The following DAB1 variants were observed in gnomAD, a reference collection of about 807,000 sequenced individuals.
DAB1 encodes the protein DAB adaptor protein 1, also known as disabled homolog 1.
Under a neutral mutation model 64.6 loss-of-function variants are expected in DAB1, and 15 were observed. The observed-to-expected ratio is 0.23, with a 90% CI of 0.16 to 0.36. The LOEUF (loss-of-function observed/expected upper bound fraction) is 0.36, where lower values mean the gene tolerates loss of function less well. Among genes scored for constraint, DAB1 ranks in the 10% least tolerant of loss-of-function variants. The pLI is 1.00. For missense variants in DAB1, 596 were observed against 706.7 expected (o/e 0.84, Z 1.78); for synonymous variants, 235 against 251.9 (o/e 0.93, Z 0.64).
chr1:57,207,408 A>G (rs197608), intron 2 of DAB1, among the ~76,000 whole-genome samples: 3,360 of 149,908 alleles, frequency 0.022, 123 homozygotes, highest in African/African-American at 0.077. Flanking sequence ...TATAAAAATG[A>G]TAGAATAGAT....
chr1:57,641,469 C>T (rs1423703838), intron 7 of DAB1, among the ~76,000 whole-genome samples: 1 of 146,740 alleles, frequency 6.8e-6, no homozygotes, highest in African/African-American at 2.5e-5. Flanking sequence ...CTGCAAGCTC[C>T]GCTGCTGGGG....
At chr1:57,739,995 G>C (rs1647901437) in intron 6 of DAB1, among the ~76,000 whole-genome samples, 1 of 139,512 alleles carries the variant, frequency 7.2e-6, no homozygotes, top group South Asian at 2.3e-4. Flanking sequence ...GGGAGTCCAA[G>C]ACCAGCTTGG....
intron 6 of DAB1, among the ~76,000 whole-genome samples, chr1:57,806,330 A>G (rs1651360914): frequency 6.6e-6 from 1 of 152,198 alleles, no homozygotes; most frequent in South Asian, 2.1e-4. Flanking sequence ...AGAGGTAATC[A>G]AGTTAAAATG....
intron 4 of DAB1, among the ~76,000 whole-genome samples, chr1:58,331,948 C>T (rs1662978899): frequency 6.6e-6 from 1 of 152,144 alleles, no homozygotes; most frequent in Admixed American, 6.6e-5. Context: ...AGAATTAAAA[C>T]TATTCCTCAA....
chr1:58,222,012 G>A (rs1339575416), intron 4 of DAB1, among the ~76,000 whole-genome samples: 1 of 152,198 alleles, frequency 6.6e-6, no homozygotes, highest in Non-Finnish European at 1.5e-5. Context: ...GCCATATCTG[G>A]AAACCAAGTA....
chr1:57,984,187 AGAAAGAAAG>A (rs1281882432), intron 5 of DAB1, among the ~76,000 whole-genome samples: 5 of 91,246 alleles, frequency 5.5e-5, no homozygotes, highest in African/African-American at 1.5e-4. Flanking sequence ...CTTAAAAAAA[AGAAAGAAAG>A]AAAGAAAGAA....
rs1557559269 is a variant in DAB1, at chr1:57,924,665, T to C, written n.388-40503A>G. 4.0e-5 allele frequency among the ~76,000 whole-genome samples: 6 copies of C among 150,376 alleles called. 1 individual carries two copies. The South Asian group carries it at 1.3e-3, about 32-fold the overall frequency. On this transcript the variant is annotated intron_variant and non_coding_transcript_variant, in intron 5 of 20. Transcript: ENST00000485760. Reference sequence around the variant, plus strand: ...TTTTTTTTTAGTAGAGATGGGGTTTTACTATGTTGGCCAGGCTGATTTCAA... The same window carrying C: ...TTTTTTTTTAGTAGAGATGGGGTTTCACTATGTTGGCCAGGCTGATTTCAA...
At chr1:57,293,557 T>C (rs1672954558) in intron 1 of DAB1, among the ~76,000 whole-genome samples, 2 of 152,176 alleles carry the variant, frequency 1.3e-5, no homozygotes, top group South Asian at 4.1e-4. Context: ...CATAAATTCC[T>C]GTGCCACTTG....
At chr1:58,345,368 A>G (rs1372136812) in intron 3 of DAB1, among the ~76,000 whole-genome samples, 3 of 152,216 alleles carry the variant, frequency 2.0e-5, no homozygotes, top group Non-Finnish European at 4.4e-5. Context: ...CACACAAGGA[A>G]GTTTCACCAC....
At chr1:57,404,234 GT>G (rs1225334288) in intron 1 of DAB1, among the ~76,000 whole-genome samples, 1 of 152,118 alleles carries the variant, frequency 6.6e-6, no homozygotes, top group Non-Finnish European at 1.5e-5. Context: ...AATAATGAGA[GT>G]TTTTAATGAA....
intron 7 of DAB1, among the ~76,000 whole-genome samples, chr1:57,616,779 G>A (rs780400872): frequency 6.6e-6 from 1 of 152,122 alleles, no homozygotes; most frequent in Non-Finnish European, 1.5e-5. Context: ...AGTGAGGGAG[G>A]ATATTTCACA....
At chr1:58,412,532 A>G (rs1050005002) in intron 3 of DAB1, among the ~76,000 whole-genome samples, 1 of 152,140 alleles carries the variant, frequency 6.6e-6, no homozygotes. Context: ...CGCCCACCAC[A>G]TTGTTTTTAA....
chr1:57,043,191 C>A (rs935884846), intron 9 of DAB1, among the ~76,000 whole-genome samples: 14 of 152,114 alleles, frequency 9.2e-5, no homozygotes, highest in African/African-American at 3.4e-4. Context: ...CTGATCAGGA[C>A]CATTTTGGAT....
At chr1:57,767,067 A>T (rs1649344827) in intron 6 of DAB1, among the ~76,000 whole-genome samples, 1 of 152,092 alleles carries the variant, frequency 6.6e-6, no homozygotes, top group African/African-American at 2.4e-5. Flanking sequence ...CTAACCTGGG[A>T]ACTCTTTGAA....
intron 2 of DAB1, among the ~76,000 whole-genome samples, chr1:57,174,177 T>C (rs1251952621): frequency 1.3e-5 from 2 of 152,186 alleles, no homozygotes; most frequent in African/African-American, 4.8e-5. Flanking sequence ...CCTATCAGTA[T>C]TCCATCACTG....
At chr1:58,161,268 A>G (rs1427937818) in intron 4 of DAB1, among the ~76,000 whole-genome samples, 1 of 152,210 alleles carries the variant, frequency 6.6e-6, no homozygotes, top group Non-Finnish European at 1.5e-5. Flanking sequence ...AATTGAGAGT[A>G]AAGCCTTATA....
intron 3 of DAB1, among the ~76,000 whole-genome samples, chr1:58,364,157 T>G (rs1569687535): frequency 2.0e-5 from 3 of 152,188 alleles, no homozygotes; most frequent in African/African-American, 7.2e-5. Flanking sequence ...TACACTGCTG[T>G]GTCATGCTGG....
At chr1:57,759,403 C>T (rs1389698082) in intron 6 of DAB1, among the ~76,000 whole-genome samples, 1 of 152,066 alleles carries the variant, frequency 6.6e-6, no homozygotes, top group Non-Finnish European at 1.5e-5. Context: ...GTGTAAAGAG[C>T]TTAATTATGT....
rs1277570394 is a variant in DAB1 at position 57,071,131 on chromosome 1, AG to A, written c.559-71del. ...AAGGAAGAGATGTGAGACTGCATTC[AG>A]AAATTACAGGACAGTAAAGAAACCA... is the stretch of plus-strand genomic sequence containing the variant. On this transcript the variant is annotated intron_variant, in intron 6 of 14. Coordinates refer to ENST00000371236, the MANE Select transcript of DAB1 (RefSeq NM_001365792.1). The A allele has an allele frequency of 2.1e-6, 3 of 1,404,276 alleles. No homozygotes were observed. In the African/African-American group the frequency reaches 4.3e-5, roughly 20 times the overall value. The allele number at this position is 1,404,276 out of a possible 1,614,324, so 87.0% of individuals were successfully genotyped here. A position where few individuals can be genotyped will look rare whatever the true frequency, so the allele number is the denominator to read the frequency against.
Sources: allele counts gnomAD v4.1 joint callset (sites outside exome capture counted in the v4.1 genomes callset), GRCh38; gene constraint gnomAD v4.1.1; transcripts MANE v1.5; gene names NCBI Gene and HGNC (gene_info 2026-07-23, HGNC 2026-07-21).